Variants in NFIL3 observed in about 807,000 individuals in gnomAD.
NFIL3 encodes nuclear factor, interleukin 3 regulated, also known as nuclear factor interleukin-3-regulated protein.
In NFIL3, 5 loss-of-function variants were observed where a neutral mutation model predicts 10.0. The observed-to-expected ratio is 0.50, with a 90% CI of 0.26 to 1.06. NFIL3 has a LOEUF of 1.06. Ranked by LOEUF, NFIL3 falls within the 50% of genes least tolerant of loss-of-function variation. NFIL3 has a pLI of 0.13. For synonymous variants in NFIL3, 202 were observed against 206.5 expected (o/e 0.98, Z 0.19); for missense variants, 436 against 547.6 (o/e 0.80, Z 2.03).
chr9:91,435,626 G>A, the NFIL3 span, among the ~76,000 whole-genome samples: 1 of 152,174 alleles, frequency 6.6e-6, no homozygotes, highest in African/African-American at 2.4e-5. Context: ...AAACTGAGGA[G>A]TGTAGGAAGA....
At chr9:91,452,006 C>T in the NFIL3 span, among the ~76,000 whole-genome samples, 4 of 152,044 alleles carry the variant, frequency 2.6e-5, no homozygotes, top group East Asian at 7.7e-4. Context: ...ATTTGAAGCC[C>T]CTCAACCATC....
chr9:91,411,874 G>A (rs543188986), intron 1 of NFIL3, among the ~76,000 whole-genome samples: 10 of 152,008 alleles, frequency 6.6e-5, no homozygotes, highest in East Asian at 5.8e-4. Flanking sequence ...AGGCCGAAGC[G>A]GGCAGATCAC....
the NFIL3 span, among the ~76,000 whole-genome samples, chr9:91,439,719 C>T: frequency 6.6e-6 from 1 of 152,048 alleles, no homozygotes; most frequent in Non-Finnish European, 1.5e-5. Flanking sequence ...TTTTTATCAA[C>T]AAAGGATGTT....
In NFIL3 at chr9:91,414,106, A is replaced by G. The variant is rs560901705; in HGVS notation, c.-172-3200T>C. ...AACTGAAATAGCCCCATTTGTCTTA[A>G]AATTTCCTTAACTCATGTCTTCTAG... is the stretch of plus-strand genomic sequence containing the variant. On this transcript the variant is annotated intron_variant, in intron 1 of 1. Transcript: ENST00000297689. Among the ~76,000 whole-genome samples the G allele has an allele frequency of 2.0e-5, 3 of 152,300 alleles. No homozygotes were observed. The South Asian group carries it at 6.2e-4, about 32-fold the overall frequency.
At chr9:91,472,265 G>A in the NFIL3 span, among the ~76,000 whole-genome samples, 1 of 152,112 alleles carries the variant, frequency 6.6e-6, no homozygotes, top group African/African-American at 2.4e-5. Flanking sequence ...AGCTAGGTTG[G>A]GGAAGTTCTC....
At chr9:91,448,008 G>A in the NFIL3 span, among the ~76,000 whole-genome samples, 1 of 152,162 alleles carries the variant, frequency 6.6e-6, no homozygotes, top group Non-Finnish European at 1.5e-5. Context: ...GTTAATTTTT[G>A]TATACTTTTG....
the NFIL3 span, among the ~76,000 whole-genome samples, chr9:91,443,317 C>A: frequency 6.6e-6 from 1 of 152,326 alleles, no homozygotes; most frequent in African/African-American, 2.4e-5. Flanking sequence ...TAGCCTGGCC[C>A]CCATGCTTCA....
the NFIL3 span, among the ~76,000 whole-genome samples, chr9:91,436,576 T>A: frequency 5.1e-3 from 708 of 138,720 alleles, 9 homozygotes; most frequent in East Asian, 0.031. Flanking sequence ...AGACTCTGCC[T>A]CAACAACAAC....
chr9:91,424,333 G>A (rs1234102677), upstream of NFIL3, among the ~76,000 whole-genome samples: 2 of 152,210 alleles, frequency 1.3e-5, no homozygotes, highest in Admixed American at 6.5e-5. Context: ...ACTGAGCACT[G>A]CGGGTTGCGG....
the NFIL3 span, among the ~76,000 whole-genome samples, chr9:91,452,376 A>G: frequency 3.3e-5 from 5 of 152,290 alleles, no homozygotes; most frequent in Non-Finnish European, 5.9e-5. Flanking sequence ...TTTTAAATCT[A>G]TCTATAACCT....
In NFIL3 at chr9:91,409,508, A is replaced by G. The variant is rs1218776001; in HGVS notation, c.1227T>C (p.Asn409=). 5 of 1,614,092 alleles carry G rather than the reference A, an allele frequency of 3.1e-6. No individual in the cohort carries two copies. In the East Asian group the frequency reaches 8.9e-5, roughly 29 times the overall value. Residue 409 remains asparagine, a synonymous_variant, in exon 2 of 2, where the codon AAT becomes AAC. Coordinates refer to ENST00000297689, the MANE Select transcript of NFIL3 (RefSeq NM_005384.3). ...HQKELSGKTQ[N]SFKTGVVEMK... The stretch of plus-strand genomic sequence containing the variant: ...TTTCAACAACTCCAGTTTTGAAACT[A>G]TTCTGAGTTTTGCCACTCAGTTCTT...
At chr9:91,457,926 C>T in the NFIL3 span, among the ~76,000 whole-genome samples, 1 of 151,932 alleles carries the variant, frequency 6.6e-6, no homozygotes, top group East Asian at 1.9e-4. Flanking sequence ...TTGAGATGAT[C>T]ATACAGTTTT....
chr9:91,455,303 G>T, the NFIL3 span, among the ~76,000 whole-genome samples: 1 of 152,184 alleles, frequency 6.6e-6, no homozygotes, highest in Non-Finnish European at 1.5e-5. Flanking sequence ...TGTGGTGTTT[G>T]ACTGATGTTG....
At chr9:91,456,199 T>C in the NFIL3 span, among the ~76,000 whole-genome samples, 18 of 152,326 alleles carry the variant, frequency 1.2e-4, 1 homozygote, top group Admixed American at 1.0e-3. Flanking sequence ...CTTTGGGCTA[T>C]TACAAATTGT....
upstream of NFIL3, among the ~76,000 whole-genome samples, chr9:91,425,717 A>G (rs1362708397): frequency 1.3e-5 from 2 of 152,304 alleles, no homozygotes; most frequent in East Asian, 3.9e-4. Flanking sequence ...GGCTCAAAGG[A>G]TCCTCCGGCC....
chr9:91,424,170 C>T (rs1040371846), upstream of NFIL3, among the ~76,000 whole-genome samples: 24 of 152,036 alleles, frequency 1.6e-4, no homozygotes, highest in African/African-American at 5.6e-4. Flanking sequence ...CGGAGGAGCC[C>T]GGGAGCCCCC....
chr9:91,475,881 A>T, the NFIL3 span, among the ~76,000 whole-genome samples: 1 of 152,256 alleles, frequency 6.6e-6, no homozygotes, highest in Non-Finnish European at 1.5e-5. Context: ...AAATGCAAAA[A>T]TACTAACTGG....
chr9:91,439,418 A>G, the NFIL3 span, among the ~76,000 whole-genome samples: 1 of 152,062 alleles, frequency 6.6e-6, no homozygotes, highest in African/African-American at 2.4e-5. Context: ...TCCCTGTGGA[A>G]TCTTTGGGAT....
At chr9:91,456,007 T>C in the NFIL3 span, among the ~76,000 whole-genome samples, 1 of 152,238 alleles carries the variant, frequency 6.6e-6, no homozygotes, top group East Asian at 1.9e-4. Context: ...ATTCACACTG[T>C]CTAAAATTTC....
Sources: allele counts gnomAD v4.1 joint callset (sites outside exome capture counted in the v4.1 genomes callset), GRCh38; gene constraint gnomAD v4.1.1; transcripts MANE v1.5; gene names NCBI Gene and HGNC (gene_info 2026-07-23, HGNC 2026-07-21).